Variants in PLEKHH2 observed in about 807,000 individuals in gnomAD.
PLEKHH2 encodes pleckstrin homology, MyTH4 and FERM domain containing H2, also known as pleckstrin homology domain-containing family H member 2.
In PLEKHH2, 129 loss-of-function variants were observed where a neutral mutation model predicts 187.9. The observed-to-expected ratio is 0.69, with a 90% CI of 0.59 to 0.79. The LOEUF (loss-of-function observed/expected upper bound fraction) is 0.79, where lower values mean the gene tolerates loss of function less well. Among genes scored for constraint, PLEKHH2 ranks in the 30% least tolerant of loss-of-function variants. The probability of loss-of-function intolerance (pLI) is 0.00; values close to 1 mark genes in which losing one functional copy is unlikely to be tolerated. For missense variants in PLEKHH2, 2,076 were observed against 1,751.2 expected (o/e 1.19, Z -3.31); for synonymous variants, 686 against 605.6 (o/e 1.13, Z -1.95).
At chr2:43,754,188 AC>A (rs1672115729) in intron 25 of PLEKHH2, among the ~76,000 whole-genome samples, 5 of 126,134 alleles carry the variant, frequency 4.0e-5, no homozygotes, top group African/African-American at 1.8e-4. Context: ...ACACACACAC[AC>A]ACACACACAC....
chr2:43,667,660 T>C (rs1037864468), intron 2 of PLEKHH2, among the ~76,000 whole-genome samples: 2 of 152,210 alleles, frequency 1.3e-5, no homozygotes, highest in Non-Finnish European at 2.9e-5. Context: ...CTTGAAGACA[T>C]TGTGCTAAGT....
chr2:43,749,826 C>T (rs1206067573), intron 24 of PLEKHH2, among the ~76,000 whole-genome samples: 1 of 152,172 alleles, frequency 6.6e-6, no homozygotes, highest in Non-Finnish European at 1.5e-5. Flanking sequence ...CTTCATCTGC[C>T]AAGCAGCAGG....
intron 2 of PLEKHH2, among the ~76,000 whole-genome samples, chr2:43,647,949 C>G (rs1357579804): frequency 6.6e-6 from 1 of 152,158 alleles, no homozygotes; most frequent in Non-Finnish European, 1.5e-5. Context: ...TTACTGCAAC[C>G]ATCAACTAGT....
chr2:43,713,099 AACACACACAC>A (rs10524364), intron 15 of PLEKHH2, among the ~76,000 whole-genome samples: 1 of 150,676 alleles, frequency 6.6e-6, no homozygotes, highest in Non-Finnish European at 1.5e-5. Context: ...ATATCAAATC[AACACACACAC>A]ACACACACGC....
chr2:43,663,979 T>C (rs1667107954), intron 2 of PLEKHH2, among the ~76,000 whole-genome samples: 1 of 117,532 alleles, frequency 8.5e-6, no homozygotes, highest in South Asian at 2.8e-4. Flanking sequence ...TCTGTAGATG[T>C]CTATTAGGTC....
At chr2:43,666,362 C>G (rs1667212121) in intron 2 of PLEKHH2, among the ~76,000 whole-genome samples, 1 of 151,286 alleles carries the variant, frequency 6.6e-6, no homozygotes, top group Non-Finnish European at 1.5e-5. Flanking sequence ...CACTGGCCTG[C>G]GCCCACTGTC....
At chr2:43,745,741 CA>C in intron 23 of PLEKHH2, 124 bp from the exon 24 acceptor site, 1 of 633,928 alleles carries the variant, frequency 1.6e-6, no homozygotes, top group South Asian at 2.3e-5. Context: ...AGGCTGAAAA[CA>C]AAAAGCTTGA....
chr2:43,733,529 T>C (rs940613403), intron 19 of PLEKHH2, among the ~76,000 whole-genome samples: 7 of 152,182 alleles, frequency 4.6e-5, no homozygotes, highest in Admixed American at 1.3e-4. Flanking sequence ...TCTCTTTCTT[T>C]TGGCTTTGTC....
At chr2:43,637,539 C>G (rs1315987253) in intron 1 of PLEKHH2, among the ~76,000 whole-genome samples, 160 bp downstream of exon 1, 1 of 152,172 alleles carries the variant, frequency 6.6e-6, no homozygotes, top group Non-Finnish European at 1.5e-5. Context: ...CGGGCTGACT[C>G]GGGATCCGCC....
At chr2:43,725,239 C>G (rs942400435) in intron 16 of PLEKHH2, among the ~76,000 whole-genome samples, 2 of 152,136 alleles carry the variant, frequency 1.3e-5, no homozygotes, top group African/African-American at 4.8e-5. Context: ...CTTTGTCCTG[C>G]TTATCTGGGA....
At chr2:43,645,607 G>C (rs1368088) in intron 2 of PLEKHH2, among the ~76,000 whole-genome samples, 3 of 151,940 alleles carry the variant, frequency 2.0e-5, no homozygotes, top group Non-Finnish European at 4.4e-5. Context: ...TAGCATGAAA[G>C]AATGTAAAAT....
chr2:43,767,555 G>A lies in PLEKHH2; in HGVS notation c.*1957G>A, dbSNP rs578261265. 6.6e-6 allele frequency: 1 copy of A among 152,474 alleles called. No individual in the cohort carries two copies. Among genetic ancestry groups the A allele is most frequent in the African/African-American group, 2.4e-5 (1 of 41,560 alleles). 9.4% of individuals were successfully genotyped at this position (152,474 alleles called of 1,614,324 possible). Reference sequence around the variant, plus strand: ...GATGACTCTCAGAAGCCTTTTGGCTGGGTTACAGAAGAGTTTCTAAGTTCC... The same window carrying A: ...GATGACTCTCAGAAGCCTTTTGGCTAGGTTACAGAAGAGTTTCTAAGTTCC... On this transcript the variant is annotated 3_prime_UTR_variant, in exon 30 of 30. Coordinates refer to ENST00000282406, the MANE Select transcript of PLEKHH2 (RefSeq NM_172069.4).
chr2:43,639,302 A>C (rs893458368), intron 1 of PLEKHH2, among the ~76,000 whole-genome samples: 1 of 152,170 alleles, frequency 6.6e-6, no homozygotes, highest in Non-Finnish European at 1.5e-5. Context: ...TTTTCCTTTT[A>C]AAGTATACAG....
intron 7 of PLEKHH2, among the ~76,000 whole-genome samples, chr2:43,698,642 C>T (rs892983479): frequency 1.3e-5 from 2 of 152,106 alleles, no homozygotes; most frequent in Non-Finnish European, 2.9e-5. Flanking sequence ...TGTACTGATG[C>T]TCTTGCTCAT....
chr2:43,734,269 A>G (rs2104578786), intron 19 of PLEKHH2, among the ~76,000 whole-genome samples: 1 of 152,316 alleles, frequency 6.6e-6, no homozygotes, highest in South Asian at 2.1e-4. Flanking sequence ...CTCAGTCATT[A>G]TATCACTATA....
At chr2:43,732,471 T>C (rs920321193) in intron 19 of PLEKHH2, among the ~76,000 whole-genome samples, 11 of 152,210 alleles carry the variant, frequency 7.2e-5, no homozygotes, top group African/African-American at 2.4e-4. Context: ...ATTTTAAGTT[T>C]CTTGACCTTC....
At chr2:43,738,193 C>G in intron 19 of PLEKHH2, 148 bp from the exon 20 acceptor site, 1 of 602,144 alleles carries the variant, frequency 1.7e-6, no homozygotes, top group Non-Finnish European at 2.6e-6. Flanking sequence ...TGTGGCGATT[C>G]CAGATTTCTT....
chr2:43,746,646 G>A (rs148232818), intron 24 of PLEKHH2, among the ~76,000 whole-genome samples: 1 of 152,212 alleles, frequency 6.6e-6, no homozygotes, highest in African/African-American at 2.4e-5. Context: ...TCCTTTAACA[G>A]TATTATTACA....
chr2:43,691,374 A>C (rs2104461298), intron 3 of PLEKHH2, among the ~76,000 whole-genome samples: 1 of 152,306 alleles, frequency 6.6e-6, no homozygotes, highest in South Asian at 2.1e-4. Flanking sequence ...CAGAATAGGG[A>C]GTGCGTGCTG....
Sources: gnomAD v4.1 joint callset for allele counts (sites outside exome capture counted in the v4.1 genomes callset) on GRCh38, gnomAD v4.1.1 for gene constraint, MANE v1.5 for transcripts, NCBI Gene and HGNC (gene_info 2026-07-23, HGNC 2026-07-21) for gene names.